The following STRADB variants were observed in gnomAD, a reference collection of about 807,000 sequenced individuals.
STRADB encodes the protein STE20-related kinase adapter protein beta.
A neutral mutation model predicts 52.1 loss-of-function variants in STRADB; 34 were observed. The ratio of observed to expected loss-of-function variants is 0.65; its 90% CI spans 0.50 to 0.87. The LOEUF (loss-of-function observed/expected upper bound fraction) is 0.87, where lower values mean the gene tolerates loss of function less well. Ranked by LOEUF, STRADB falls within the 40% of genes least tolerant of loss-of-function variation. The pLI, the probability that STRADB is intolerant of heterozygous loss-of-function variation, is 0.00. For missense variants in STRADB, 340 were observed against 483.9 expected (o/e 0.70, Z 2.79); for synonymous variants, 133 against 174.5 (o/e 0.76, Z 1.87).
rs1407468647 is a variant in STRADB at position 201,480,162 on chromosome 2, A to G, written c.1244A>G (p.Tyr415Cys). 1 of 1,613,742 alleles carries G rather than the reference A, an allele frequency of 6.2e-7. No individual in the cohort carries two copies. The highest frequency in any genetic ancestry group is 2.2e-5 in the East Asian group (1 of 44,858). The change falls in exon 12 of 12, where the codon TAC becomes TGC. Residue 415 changes from tyrosine (Y) to cysteine (C), a missense_variant. Physicochemically the swap from Tyr to Cys is radical, Grantham distance 194. Transcript: ENST00000194530. ...ECDFPDEKDS[Y>C]WEF is the part of the protein sequence containing the mutation. ...GATTTTCCTGATGAAAAAGACTCATACTGGGAATTCTAGGGCTGCCAAATC... is the reference window on the plus strand; with the variant it reads ...GATTTTCCTGATGAAAAAGACTCATGCTGGGAATTCTAGGGCTGCCAAATC...
chr2:201,458,926 C>A, intron 3 of STRADB, 62 bp downstream of exon 3: 2 of 1,437,470 alleles, frequency 1.4e-6, no homozygotes, highest in South Asian at 1.2e-5. Context: ...CTCTGGGAGG[C>A]CAAGGCAGGA....
chr2:201,476,743 G>T (rs1248704000), intron 7 of STRADB, among the ~76,000 whole-genome samples: 2 of 151,306 alleles, frequency 1.3e-5, no homozygotes, highest in Non-Finnish European at 2.9e-5. Flanking sequence ...GAGAGGCCGA[G>T]GCGTGCAGAT....
chr2:201,474,062 T>C (rs1952434709), intron 5 of STRADB, among the ~76,000 whole-genome samples: 1 of 152,024 alleles, frequency 6.6e-6, no homozygotes, highest in East Asian at 1.9e-4. Context: ...AGCTAACTTT[T>C]TGTATTTTTA....
intron 7 of STRADB, among the ~76,000 whole-genome samples, chr2:201,476,281 A>C (rs926863112): frequency 8.6e-5 from 13 of 151,610 alleles, no homozygotes; most frequent in Admixed American, 5.3e-4. Flanking sequence ...ACTTTGTCTT[A>C]CTTTTTAATT....
chr2:201,479,880 CA>C, intron 11 of STRADB, 151 bp from the exon 12 acceptor site: 1 of 906,064 alleles, frequency 1.1e-6, no homozygotes, highest in Non-Finnish European at 1.7e-6. Flanking sequence ...TTCCTGTTTT[CA>C]GATGACCAGA....
rs11421179 is a variant in STRADB at position 201,468,090 on chromosome 2, T to C, written c.94-1863T>C. ...GAGTCCTGCCTTTTTTTTTTCTTTT[T>C]TTTTTTTTTTTTTTTTTTGGTAATT... is the stretch of plus-strand genomic sequence containing the variant. On this transcript the variant is annotated intron_variant, in intron 3 of 11. Transcript: ENST00000194530. Among the ~76,000 whole-genome samples, 243 of 27,868 alleles carry C rather than the reference T, an allele frequency of 8.7e-3. 2 individuals carry two copies. Among genetic ancestry groups the C allele is most frequent in the East Asian group, 0.041 (18 of 434 alleles). 18.3% of individuals were successfully genotyped at this position (27,868 alleles called of 152,430 possible).
intron 5 of STRADB, 152 bp downstream of exon 5, chr2:201,473,228 C>A: frequency 1.5e-6 from 1 of 688,266 alleles, no homozygotes; most frequent in Non-Finnish European, 2.1e-6. Flanking sequence ...TAACTATTTA[C>A]ATAGCATTTA....
chr2:201,479,900 C>A, intron 11 of STRADB, 132 bp from the exon 12 acceptor site: 3 of 1,068,782 alleles, frequency 2.8e-6, no homozygotes, highest in Non-Finnish European at 2.8e-6. Flanking sequence ...GAATCAAAGG[C>A]AGTTTTAGGG....
chr2:201,464,322 C>G (rs1329822433), intron 3 of STRADB, among the ~76,000 whole-genome samples: 1 of 151,964 alleles, frequency 6.6e-6, no homozygotes, highest in Admixed American at 6.6e-5. Context: ...TCAAGCCCAG[C>G]AAAACTGTGA....
chr2:201,452,065 C>G (rs1400545797), intron 1 of STRADB, 127 bp downstream of exon 1: 1 of 152,284 alleles, frequency 6.6e-6, no homozygotes, highest in Non-Finnish European at 1.5e-5. Flanking sequence ...CACCTCCAGC[C>G]CGAGCACCGG....
chr2:201,462,350 C>T lies in STRADB; in HGVS notation c.93+3486C>T, dbSNP rs559984620. On this transcript the variant is annotated intron_variant, in intron 3 of 11. Coordinates refer to ENST00000194530, the MANE Select transcript of STRADB (RefSeq NM_018571.6). The stretch of plus-strand genomic sequence containing the variant: ...ACAGATAATTGAATCTTTTTTTAAT[C>T]GATTCAGCTACTCTATGTCTATTCA... Among the ~76,000 whole-genome samples the T allele has an allele frequency of 5.3e-5, 8 of 152,096 alleles. No individual in the cohort carries two copies. In the South Asian group the frequency reaches 1.2e-3, roughly 24 times the overall value.
Position 201,474,766 on chromosome 2 carries a change from T to G in STRADB, c.424+11T>G, listed in dbSNP as rs60954991. 1.8e-3 allele frequency: 2,856 copies of G among 1,579,682 alleles called. 41 individuals carry two copies. In the African/African-American group the frequency reaches 0.031, roughly 17 times the overall value. ...CATTTATGGCCTATGGTAAGAATGC[T>G]GGTTTTAAATAAATTAACTTAGCCT... On this transcript the variant is annotated intron_variant, in intron 6 of 11. Coordinates refer to ENST00000194530, the MANE Select transcript of STRADB (RefSeq NM_018571.6).
At chr2:201,470,695 A>T (rs1952376095) in intron 4 of STRADB, among the ~76,000 whole-genome samples, 1 of 152,170 alleles carries the variant, frequency 6.6e-6, no homozygotes, top group African/African-American at 2.4e-5. Context: ...GGTATGTCCT[A>T]AGTGTTATGG....
intron 2 of STRADB, 123 bp from the exon 3 acceptor site, chr2:201,458,661 T>G: frequency 1.4e-6 from 1 of 717,584 alleles, no homozygotes; most frequent in Non-Finnish European, 2.3e-6. Flanking sequence ...AATTCCAAGT[T>G]TCTGCAAGTT....
intron 1 of STRADB, 146 bp from the exon 2 acceptor site, chr2:201,454,600 C>T (rs1363799027): frequency 5.3e-6 from 2 of 380,046 alleles, no homozygotes; most frequent in Middle Eastern, 6.7e-4. Flanking sequence ...AGATACTTTT[C>T]AGGAATGTCT....
chr2:201,468,624 C>A (rs1639086689), intron 3 of STRADB, among the ~76,000 whole-genome samples: 1 of 152,090 alleles, frequency 6.6e-6, no homozygotes, highest in South Asian at 2.1e-4. Flanking sequence ...AGACTAATTC[C>A]CCAATGGAAT....
intron 9 of STRADB, 68 bp from the exon 10 acceptor site, chr2:201,478,288 AG>A: frequency 1.3e-6 from 2 of 1,597,802 alleles, no homozygotes; most frequent in Non-Finnish European, 1.7e-6. Context: ...GACTCTTAGG[AG>A]CTTTATTGTT....
chr2:201,462,107 T>C (rs539447718), intron 3 of STRADB, among the ~76,000 whole-genome samples: 2 of 152,310 alleles, frequency 1.3e-5, no homozygotes, highest in African/African-American at 4.8e-5. Context: ...TGAAGTGAGG[T>C]AATGTGATTC....
In STRADB at chr2:201,477,694, T is replaced by G. The variant is rs1284494741; in HGVS notation, c.624T>G (p.Ser208Arg). ...VTLSGLSHLH[S>R]LVKHGQRHRA... ...TCTCTGGCCTGTCCCATCTGCATAG[T>G]TTGGTTAAGCATGGACAGAGGCATA... The change falls in exon 8 of 12, where the codon AGT becomes AGG. Residue 208 changes from serine to arginine, a missense_variant. Ser to Arg is a moderately radical substitution (Grantham distance 110). Coordinates refer to ENST00000194530, the MANE Select transcript of STRADB (RefSeq NM_018571.6). The G allele has an allele frequency of 1.9e-6, 3 of 1,613,370 alleles. No homozygotes were observed. The Admixed American group carries it at 5.0e-5, about 27-fold the overall frequency.
Sources: allele counts gnomAD v4.1 joint callset (sites outside exome capture counted in the v4.1 genomes callset), GRCh38; gene constraint gnomAD v4.1.1; transcripts MANE v1.5; gene names NCBI Gene and HGNC (gene_info 2026-07-23, HGNC 2026-07-21).